Variants in FAM50B observed in about 807,000 individuals in gnomAD.
FAM50B encodes the protein family with sequence similarity 50 member B.
Under a neutral mutation model 25.4 loss-of-function variants are expected in FAM50B, and 9 were observed. That is an observed-to-expected ratio of 0.35 (90% CI 0.21 to 0.62). FAM50B has a LOEUF of 0.62. Among genes scored for constraint, FAM50B ranks in the 20% least tolerant of loss-of-function variants. The probability of loss-of-function intolerance (pLI) is 0.73; values close to 1 mark genes in which losing one functional copy is unlikely to be tolerated. For missense variants in FAM50B, 372 were observed against 477.9 expected (o/e 0.78, Z 2.07); for synonymous variants, 212 against 204.3 (o/e 1.04, Z -0.32).
At chr6:3,845,893 T>C (rs549031288), upstream of FAM50B, among the ~76,000 whole-genome samples, 1 of 152,218 alleles carries the variant, frequency 6.6e-6, no homozygotes, top group African/African-American at 2.4e-5. Flanking sequence ...TTTTTTTTAT[T>C]TTTATTTTTA....
chr6:3,837,095 C>T, the FAM50B span, among the ~76,000 whole-genome samples: 1 of 152,266 alleles, frequency 6.6e-6, no homozygotes, highest in East Asian at 1.9e-4. Context: ...AACTGGACCA[C>T]AGATCTAAAT....
At chr6:3,845,530 T>C (rs1459688707), upstream of FAM50B, among the ~76,000 whole-genome samples, 3 of 152,166 alleles carry the variant, frequency 2.0e-5, no homozygotes, top group Admixed American at 6.5e-5. Flanking sequence ...TTAAGTGTAA[T>C]AAAGGTAATT....
upstream of FAM50B, among the ~76,000 whole-genome samples, chr6:3,846,008 A>G (rs1012926782): frequency 6.6e-6 from 1 of 152,196 alleles, no homozygotes; most frequent in Admixed American, 6.5e-5. Flanking sequence ...GGTGTGAGCC[A>G]CTGCGCCTGG....
the FAM50B span, among the ~76,000 whole-genome samples, chr6:3,841,128 T>A: frequency 6.6e-6 from 1 of 152,208 alleles, no homozygotes; most frequent in African/African-American, 2.4e-5. Flanking sequence ...AGGTCCGACC[T>A]GTTAGGAGCC....
chr6:3,842,273 T>C, the FAM50B span, among the ~76,000 whole-genome samples: 3 of 152,230 alleles, frequency 2.0e-5, no homozygotes, highest in African/African-American at 7.2e-5. Flanking sequence ...CTCCATGGGC[T>C]GCAGCTGTGA....
chr6:3,840,107 CT>C, the FAM50B span, among the ~76,000 whole-genome samples: 8 of 152,210 alleles, frequency 5.3e-5, no homozygotes, highest in Non-Finnish European at 8.8e-5. Flanking sequence ...ATTCCCCTGC[CT>C]CAGCCTCCTG....
the FAM50B span, among the ~76,000 whole-genome samples, chr6:3,836,749 G>A: frequency 6.6e-6 from 1 of 152,182 alleles, no homozygotes; most frequent in Non-Finnish European, 1.5e-5. Flanking sequence ...AATGCCATTG[G>A]TGTCATGATC....
the FAM50B span, among the ~76,000 whole-genome samples, chr6:3,835,139 C>T: frequency 0.012 from 1,809 of 152,186 alleles, 14 homozygotes; most frequent in Non-Finnish European, 0.018. Context: ...AGGTGACAGT[C>T]CTGTTGTGTT....
At chr6:3,837,678 A>T in the FAM50B span, among the ~76,000 whole-genome samples, 1 of 152,352 alleles carries the variant, frequency 6.6e-6, no homozygotes, top group Non-Finnish European at 1.5e-5. Flanking sequence ...GAGGATGGGA[A>T]GTCTTAAGAG....
chr6:3,841,047 C>CCA, the FAM50B span, among the ~76,000 whole-genome samples: 9 of 152,122 alleles, frequency 5.9e-5, no homozygotes, highest in Non-Finnish European at 1.0e-4. Flanking sequence ...GGATTTCTTA[C>CCA]CACAATCAAT....
In FAM50B at chr6:3,849,955, G is replaced by T; in HGVS notation, c.144G>T (p.Arg48Ser). ...ETILKSQVDK[R>S]FSAHYDAVEA... ...TCCTCAAGTCGCAGGTGGACAAGAG[G>T]TTCTCGGCGCATTACGACGCCGTGG... Residue 48 changes from arginine to serine, a missense_variant, in exon 2 of 2, where the codon AGG becomes AGT. Physicochemically the swap from Arg to Ser is moderately radical, Grantham distance 110 (BLOSUM62 -1). Transcript: ENST00000648326. 1.2e-6 allele frequency: 2 copies of T among 1,613,948 alleles called. No individual in the cohort carries two copies. Among genetic ancestry groups the T allele is most frequent in the Non-Finnish European group, 1.7e-6 (2 of 1,179,988 alleles).
At chr6:3,845,860 C>T (rs1289414223), upstream of FAM50B, among the ~76,000 whole-genome samples, 2 of 152,112 alleles carry the variant, frequency 1.3e-5, no homozygotes, top group African/African-American at 4.8e-5. Context: ...GACTACAAGG[C>T]ATGCACCACC....
chr6:3,848,472 C>T (rs1474110350), upstream of FAM50B, among the ~76,000 whole-genome samples: 2 of 152,180 alleles, frequency 1.3e-5, no homozygotes, highest in African/African-American at 4.8e-5. Flanking sequence ...CTGTTCTCCT[C>T]TGGATATGTG....
the FAM50B span, among the ~76,000 whole-genome samples, chr6:3,844,121 T>C: frequency 1.3e-5 from 2 of 152,224 alleles, no homozygotes; most frequent in Non-Finnish European, 2.9e-5. Flanking sequence ...TATTGTTGCT[T>C]GTATTGAAAA....
In FAM50B at chr6:3,850,315, G is replaced by A. The variant is rs764611763; in HGVS notation, c.504G>A (p.Glu168=). 5 of 1,613,354 alleles carry A rather than the reference G, an allele frequency of 3.1e-6. No individual in the cohort carries two copies. Among genetic ancestry groups the A allele is most frequent in the East Asian group, 2.2e-5 (1 of 44,854 alleles). ...AGGAGGAGAACCGGCTCCGAGAGGAGCTGCGCCAAGAGTGGGAGGCGCAGC... is the reference window on the plus strand; with the variant it reads ...AGGAGGAGAACCGGCTCCGAGAGGAACTGCGCCAAGAGTGGGAGGCGCAGC... ...REEEENRLRE[E]LRQEWEAQRE... The change falls in exon 2 of 2, where the codon GAG becomes GAA. Residue 168 remains glutamate (E), a synonymous_variant. Coordinates refer to ENST00000648326, the MANE Select transcript of FAM50B (RefSeq NM_012135.3).
chr6:3,836,291 ACACT>A, the FAM50B span, among the ~76,000 whole-genome samples: 1 of 152,206 alleles, frequency 6.6e-6, no homozygotes, highest in African/African-American at 2.4e-5. Flanking sequence ...TCATTGCAAA[ACACT>A]CAGTTTACTG....
the FAM50B span, chr6:3,833,953 CA>C: frequency 1.3e-5 from 2 of 152,206 alleles, no homozygotes; most frequent in Non-Finnish European, 2.9e-5. Context: ...ATATACAATA[CA>C]AGCAAGCTTT....
the FAM50B span, among the ~76,000 whole-genome samples, chr6:3,844,117 T>C: frequency 6.6e-6 from 1 of 152,372 alleles, no homozygotes; most frequent in African/African-American, 2.4e-5. Context: ...CTGTTATTGT[T>C]GCTTGTATTG....
chr6:3,850,534 C>T lies in FAM50B; in HGVS notation c.723C>T (p.Asp241=), dbSNP rs1762202356. 1 of 1,613,892 alleles carries T rather than the reference C, an allele frequency of 6.2e-7. No homozygotes were observed. The highest frequency in any genetic ancestry group is 8.5e-7 in the Non-Finnish European group (1 of 1,180,044). ...GVEQLMFIKE[D]LILPHYHTFY... ...AGCAGCTCATGTTCATCAAGGAGGA[C>T]CTCATCCTGCCGCACTACCACACCT... The change falls in exon 2 of 2, where the codon GAC becomes GAT. Residue 241 remains aspartate, a synonymous_variant. Transcript: ENST00000648326.
Sources: gnomAD v4.1 joint callset for allele counts (sites outside exome capture counted in the v4.1 genomes callset) on GRCh38, gnomAD v4.1.1 for gene constraint, MANE v1.5 for transcripts, NCBI Gene and HGNC (gene_info 2026-07-23, HGNC 2026-07-21) for gene names.